RBFOX1: variants seen among roughly 807,000 people sequenced by gnomAD.
The protein encoded by RBFOX1 is RNA binding fox-1 homolog 1.
Under a neutral mutation model 57.7 loss-of-function variants are expected in RBFOX1, and 8 were observed. That is an observed-to-expected ratio of 0.14 (90% CI 0.08 to 0.25). The LOEUF (loss-of-function observed/expected upper bound fraction) is 0.25, where lower values mean the gene tolerates loss of function less well. Ranked by LOEUF, RBFOX1 falls within the 10% of genes least tolerant of loss-of-function variation. The pLI is 1.00. For missense variants in RBFOX1, 611 were observed against 548.5 expected (o/e 1.11, Z -1.14); for synonymous variants, 326 against 222.4 (o/e 1.47, Z -4.15).
chr16:6,990,781 C>T (rs1399635472), intron 3 of RBFOX1, among the ~76,000 whole-genome samples: 4 of 152,074 alleles, frequency 2.6e-5, no homozygotes, highest in African/African-American at 7.2e-5. Flanking sequence ...ATAGTTCGAG[C>T]CCAAACTGCT....
intron 1 of RBFOX1, among the ~76,000 whole-genome samples, chr16:6,169,634 T>C (rs369013997): frequency 1.6e-4 from 24 of 152,288 alleles, no homozygotes; most frequent in African/African-American, 5.3e-4. Flanking sequence ...CTGAGCTAGA[T>C]TGGTTACAGC....
At chr16:6,281,646 A>G (rs1272727046) in intron 1 of RBFOX1, among the ~76,000 whole-genome samples, 2 of 152,162 alleles carry the variant, frequency 1.3e-5, no homozygotes, top group Admixed American at 1.3e-4. Flanking sequence ...TGGTGTTGGT[A>G]GTAACGGCAA....
intron 3 of RBFOX1, among the ~76,000 whole-genome samples, chr16:6,750,958 C>G (rs907258383): frequency 7.2e-5 from 11 of 152,084 alleles, no homozygotes; most frequent in African/African-American, 2.4e-4. Context: ...AAGCAGAGGT[C>G]TGAGTGATAT....
chr16:6,347,445 G>T (rs2085563616), intron 2 of RBFOX1, among the ~76,000 whole-genome samples: 1 of 152,166 alleles, frequency 6.6e-6, no homozygotes, highest in South Asian at 2.1e-4. Context: ...CTAAACAAAT[G>T]GTTGCATGAG....
chr16:6,223,414 C>G (rs921726806), intron 1 of RBFOX1, among the ~76,000 whole-genome samples: 58 of 146,372 alleles, frequency 4.0e-4, no homozygotes, highest in Admixed American at 4.8e-4. Context: ...GAGATGGTAT[C>G]TCATTGTGGT....
intron 3 of RBFOX1, among the ~76,000 whole-genome samples, chr16:5,760,434 A>G (rs1271999480): frequency 6.6e-6 from 1 of 152,200 alleles, no homozygotes; most frequent in African/African-American, 2.4e-5. Flanking sequence ...AATTGTAAGT[A>G]GGTATTCAAT....
At chr16:6,298,375 C>T (rs1345473424) in intron 1 of RBFOX1, among the ~76,000 whole-genome samples, 1 of 152,216 alleles carries the variant, frequency 6.6e-6, no homozygotes, top group Non-Finnish European at 1.5e-5. Flanking sequence ...CAGTCACTCA[C>T]AGCTCCCCAA....
intron 4 of RBFOX1, among the ~76,000 whole-genome samples, chr16:7,094,775 TGG>T (rs71147651): frequency 6.4e-5 from 9 of 139,694 alleles, no homozygotes; most frequent in Middle Eastern, 3.4e-3. Context: ...TGTGTGTGTG[TGG>T]GTGTGTGTGT....
chr16:7,484,225 T>G (rs563431574), intron 4 of RBFOX1, among the ~76,000 whole-genome samples: 1 of 152,364 alleles, frequency 6.6e-6, no homozygotes, highest in Non-Finnish European at 1.5e-5. Flanking sequence ...AAGATGTGTT[T>G]ATCCATTCAC....
At chr16:6,565,632 T>TA (rs1189121706) in intron 2 of RBFOX1, among the ~76,000 whole-genome samples, 1 of 151,328 alleles carries the variant, frequency 6.6e-6, no homozygotes, top group Non-Finnish European at 1.5e-5. Flanking sequence ...CACGCCTGGC[T>TA]ATTTTTTTGT....
At chr16:7,108,847 C>T (rs935303348) in intron 4 of RBFOX1, among the ~76,000 whole-genome samples, 4 of 152,170 alleles carry the variant, frequency 2.6e-5, no homozygotes, top group South Asian at 2.1e-4. Context: ...ACTAGTGAAA[C>T]GAGTCATGAT....
rs1407291502 is a variant in RBFOX1, at chr16:5,326,852, A to G, written c.219+86747A>G. 2.6e-5 allele frequency among the ~76,000 whole-genome samples: 4 copies of G among 152,184 alleles called. No homozygotes were observed. The East Asian group carries it at 7.7e-4, about 29-fold the overall frequency. On this transcript the variant is annotated intron_variant, in intron 1 of 2. Coordinates refer to the RBFOX1 transcript ENST00000585867. ...AATATCAGACGTCCAAATGATTGAT[A>G]TTATATCTCAGCAGAAAGCCCAGCA...
intron 4 of RBFOX1, among the ~76,000 whole-genome samples, chr16:7,057,503 G>A (rs780502850): frequency 1.3e-5 from 2 of 152,100 alleles, no homozygotes; most frequent in Admixed American, 6.6e-5. Flanking sequence ...ATGTTGCATC[G>A]CTTTCCACCG....
intron 1 of RBFOX1, among the ~76,000 whole-genome samples, chr16:5,403,958 C>CA (rs1477771117): frequency 6.6e-6 from 1 of 150,802 alleles, no homozygotes; most frequent in Non-Finnish European, 1.5e-5. Flanking sequence ...GAGGGACATG[C>CA]AATGACAAGA....
intron 4 of RBFOX1, among the ~76,000 whole-genome samples, chr16:7,327,463 T>C (rs1191631383): frequency 6.6e-6 from 1 of 152,222 alleles, no homozygotes; most frequent in Non-Finnish European, 1.5e-5. Context: ...GTGTGAGTAA[T>C]TACATAATCT....
intron 1 of RBFOX1, among the ~76,000 whole-genome samples, chr16:6,158,879 T>C (rs1355796181): frequency 6.6e-6 from 1 of 151,176 alleles, no homozygotes; most frequent in Non-Finnish European, 1.5e-5. Flanking sequence ...TAGCTTTTTC[T>C]GACTAGGTGA....
chr16:7,709,640 A>G (rs901832992), intron 15 of RBFOX1: 1 of 1,529,010 alleles, frequency 6.5e-7, no homozygotes, highest in South Asian at 1.2e-5. Flanking sequence ...GAAAGAAAAT[A>G]GAGAGGGGCA....
intron 1 of RBFOX1, among the ~76,000 whole-genome samples, chr16:6,058,819 C>G (rs1246199912): frequency 2.1e-5 from 3 of 143,674 alleles, no homozygotes; most frequent in Non-Finnish European, 4.6e-5. Context: ...CACCCACTTA[C>G]CCACTCATTT....
At chr16:6,721,694 C>G (rs1235854678) in intron 3 of RBFOX1, 1 of 152,012 alleles carries the variant, frequency 6.6e-6, no homozygotes, top group Non-Finnish European at 1.5e-5. Flanking sequence ...CAGCGTTTGT[C>G]TTTTTGTGAC....
Sources: gnomAD v4.1 joint callset for allele counts (sites outside exome capture counted in the v4.1 genomes callset) on GRCh38, gnomAD v4.1.1 for gene constraint, MANE v1.5 for transcripts, NCBI Gene and HGNC (gene_info 2026-07-23, HGNC 2026-07-21) for gene names.